Variants in MIDEAS observed in about 807,000 individuals in gnomAD.
MIDEAS encodes the protein mitotic deacetylase-associated SANT domain protein.
MIDEAS carries 26 observed loss-of-function variants against 102.7 expected under a neutral mutation model. That is an observed-to-expected ratio of 0.25 (90% confidence interval 0.19 to 0.35). The LOEUF is 0.35. Ranked by LOEUF, MIDEAS falls within the 10% of genes least tolerant of loss-of-function variation. MIDEAS has a pLI of 1.00. For missense variants in MIDEAS, 1,231 were observed against 1,435.6 expected (o/e 0.86, Z 2.30); for synonymous variants, 585 against 591.0 (o/e 0.99, Z 0.15).
intron 11 of MIDEAS, among the ~76,000 whole-genome samples, chr14:73,720,622 C>T (rs2052976809): frequency 6.6e-6 from 1 of 152,176 alleles, no homozygotes; most frequent in Admixed American, 6.5e-5. Flanking sequence ...CTCCTTACCC[C>T]TTTCTGGGAG....
At chr14:73,782,709 T>G (rs2053768048) in intron 1 of MIDEAS, among the ~76,000 whole-genome samples, 1 of 152,138 alleles carries the variant, frequency 6.6e-6, no homozygotes, top group African/African-American at 2.4e-5. Context: ...CCAACCCAAG[T>G]AACAAACTAT....
In MIDEAS at chr14:73,742,665, T is replaced by G. The variant is rs908226814; in HGVS notation, c.-247-2410A>C. Among the ~76,000 whole-genome samples, 5 of 152,130 alleles carry G rather than the reference T, an allele frequency of 3.3e-5. No homozygotes were observed. Among genetic ancestry groups the G allele is most frequent in the Admixed American group, 2.0e-4 (3 of 15,274 alleles). On this transcript the variant is annotated intron_variant, in intron 1 of 12. Coordinates refer to ENST00000423556, the MANE Select transcript of MIDEAS (RefSeq NM_001367710.1). This position sits in a 1 kb window ranked among gnomAD's most constrained non-coding sequence, Gnocchi z 4.4. ...CTTTGAAGAAATCAGGGGGCCTGGT[T>G]TGGGGAAGGCTGAATCACCCCAGAA...
rs1321143943 is a variant in MIDEAS, at chr14:73,717,988, T to A, written c.*855A>T. 6.6e-6 allele frequency: 1 copy of A among 152,222 alleles called. No individual in the cohort carries two copies. The allele number at this position is 152,222 out of a possible 1,614,324, so 9.4% of individuals were successfully genotyped here. ...GGGACCTGCTCAAGGCGAAGCGCCCTTGGCAGCCTCCAGGACCCAAAGGTA... is the reference window on the plus strand; with the variant it reads ...GGGACCTGCTCAAGGCGAAGCGCCCATGGCAGCCTCCAGGACCCAAAGGTA... On this transcript the variant is annotated 3_prime_UTR_variant, in exon 13 of 13. Coordinates refer to ENST00000423556, the MANE Select transcript of MIDEAS (RefSeq NM_001367710.1).
At chr14:73,758,750 G>A (rs1335116564) in intron 1 of MIDEAS, 1 of 154,552 alleles carries the variant, frequency 6.5e-6, no homozygotes, top group African/African-American at 2.4e-5. Flanking sequence ...TCTCGCTGGA[G>A]GCTGGGCTGG....
chr14:73,730,867 A>G (rs1446490320), intron 3 of MIDEAS, among the ~76,000 whole-genome samples: 1 of 152,234 alleles, frequency 6.6e-6, no homozygotes, highest in Non-Finnish European at 1.5e-5. Flanking sequence ...CTGAGGCATG[A>G]GAATCACTTG....
rs928073237 is a variant in MIDEAS at position 73,777,145 on chromosome 14, T to A, written c.-248+9957A>T. 5.3e-5 allele frequency among the ~76,000 whole-genome samples: 8 copies of A among 151,836 alleles called. 1 individual carries two copies. Among genetic ancestry groups the A allele is most frequent in the Non-Finnish European group, 1.2e-4 (8 of 67,934 alleles). ...CATGACCTAAGCAGGGCCAACCACA[T>A]GCGCAGCCTAGCCTTTGCCTCTGGA... is the stretch of plus-strand genomic sequence containing the variant. On this transcript the variant is annotated intron_variant, in intron 1 of 11. Transcript: ENST00000394071.
exon 1 of MIDEAS, chr14:73,787,118 C>T (rs550955425): frequency 2.0e-5 from 3 of 149,836 alleles, no homozygotes; most frequent in South Asian, 2.1e-4. Flanking sequence ...GCTGGATCCC[C>T]GGGCTGCTCG....
In MIDEAS at chr14:73,779,570, A is replaced by ATAT. The variant is rs1161075287; in HGVS notation, c.-248+7531_-248+7532insATA. ...TTTTAATTTGTTTATTATTATTATT[A>ATAT]TTATTTTTTTTTTTTTTTGAGACGG... is the stretch of plus-strand genomic sequence containing the variant. On this transcript the variant is annotated intron_variant, in intron 1 of 11. Coordinates refer to the MIDEAS transcript ENST00000394071. 2.7e-3 allele frequency among the ~76,000 whole-genome samples: 162 copies of ATAT among 60,138 alleles called. 4 individuals carry two copies. The East Asian group carries it at 0.059, about 22-fold the overall frequency. The allele number at this position is 60,138 out of a possible 152,430, so 39.5% of individuals were successfully genotyped here.
rs1221222185 is a variant in MIDEAS at position 73,727,541 on chromosome 14, AG to A, written c.2096-18del. On this transcript the variant is annotated intron_variant, in intron 4 of 12. Transcript: ENST00000423556. ...CAGCACTGTCTATGGGACAAAGAGC[AG>A]GTTGATAAATAGCACCCCCCTTTCA... 8.2e-6 allele frequency: 13 copies of A among 1,592,738 alleles called. No individual in the cohort carries two copies. The highest frequency in any genetic ancestry group is 1.0e-5 in the Non-Finnish European group (12 of 1,168,706).
chr14:73,763,241 G>A (rs1223585683), upstream of MIDEAS, among the ~76,000 whole-genome samples: 1 of 152,228 alleles, frequency 6.6e-6, no homozygotes, highest in Non-Finnish European at 1.5e-5. Context: ...AAGAGGCTGA[G>A]GTAGGAGGAT....
Position 73,727,571 on chromosome 14 carries a change from A to G in MIDEAS, c.2096-47T>C, listed in dbSNP as rs764463547. 6 of 1,539,854 alleles carry G rather than the reference A, an allele frequency of 3.9e-6. No individual in the cohort carries two copies. The African/African-American group carries it at 5.5e-5, about 14-fold the overall frequency. On this transcript the variant is annotated intron_variant, in intron 4 of 12. Coordinates refer to ENST00000423556, the MANE Select transcript of MIDEAS (RefSeq NM_001367710.1). Reference sequence around the variant, plus strand: ...GATAAATAGCACCCCCCTTTCAGCAAAGCACCCCCAATCCTAGTGGCTGCC... The same window carrying G: ...GATAAATAGCACCCCCCTTTCAGCAGAGCACCCCCAATCCTAGTGGCTGCC...
At position 73,739,439 on chromosome 14, in the gene MIDEAS, C is replaced by A; in HGVS notation, c.570G>T (p.Glu190Asp). 1 of 1,591,104 alleles carries A rather than the reference C, an allele frequency of 6.3e-7. No individual in the cohort carries two copies. The highest frequency in any genetic ancestry group is 1.2e-5 in the South Asian group (1 of 86,594). ...TCAGGGGTGCCTGGGGCCGCCCTACCTCCAGCTGCACCTTCTGTGGCATCA... is the reference window on the plus strand; with the variant it reads ...TCAGGGGTGCCTGGGGCCGCCCTACATCCAGCTGCACCTTCTGTGGCATCA... ...RPMMPQKVQL[E>D]VGRPQAPLNS... The change falls in exon 2 of 13, where the codon GAG becomes GAT. Residue 190 changes from glutamate (E) to aspartate (D), a missense_variant. By Grantham distance (45) the Glu-to-Asp change is conservative. Around this residue, in one of 5 missense-constraint regions of MIDEAS, gnomAD observed 758 missense variants for 856.0 expected, o/e 0.89. Coordinates refer to ENST00000423556, the MANE Select transcript of MIDEAS (RefSeq NM_001367710.1).
At chr14:73,785,735 C>T (rs1436063132) in intron 1 of MIDEAS, among the ~76,000 whole-genome samples, 2 of 152,034 alleles carry the variant, frequency 1.3e-5, no homozygotes, top group African/African-American at 2.4e-5. Context: ...CCCACATTTT[C>T]TCCGGAGACA....
At position 73,727,476 on chromosome 14, in the gene MIDEAS, G is replaced by A; in HGVS notation, c.2144C>T (p.Thr715Ile). ...PPVLSVMGEA[T>I]PVSIEPRINV... ...CACTTACGGCTCGATGCTCACTGGGGTGGCCTCCCCCATCACAGAGAGGAC... is the reference window on the plus strand; with the variant it reads ...CACTTACGGCTCGATGCTCACTGGGATGGCCTCCCCCATCACAGAGAGGAC... The change falls in exon 5 of 13, where the codon ACC becomes ATC. Residue 715 changes from threonine to isoleucine, a missense_variant. Thr to Ile is a moderately conservative substitution (Grantham distance 89). Transcript: ENST00000423556. 2 of 1,613,962 alleles carry A rather than the reference G, an allele frequency of 1.2e-6. No homozygotes were observed. The highest frequency in any genetic ancestry group is 1.7e-6 in the Non-Finnish European group (2 of 1,179,964).
rs749958498 is a variant in MIDEAS at position 73,718,885 on chromosome 14, C to CTGG, written c.3255_3257dup (p.His1085dup). ...CACCGCTCTCCTCCCGCAGGGCCTG[C>CTGG]TGGTGGGCGGCGGCGGCGGCAGCAG... On this transcript the variant is annotated inframe_insertion, in exon 13 of 13. Coordinates refer to ENST00000423556, the MANE Select transcript of MIDEAS (RefSeq NM_001367710.1). The CTGG allele has an allele frequency of 6.6e-7, 1 of 1,517,484 alleles. No individual in the cohort carries two copies. The highest frequency in any genetic ancestry group is 1.2e-5 in the South Asian group (1 of 81,680). The allele number at this position is 1,517,484 out of a possible 1,614,324, so 94.0% of individuals were successfully genotyped here.
chr14:73,753,725 G>GC (rs2053449538), intron 1 of MIDEAS, among the ~76,000 whole-genome samples: 1 of 152,178 alleles, frequency 6.6e-6, no homozygotes. Context: ...CAAAGTCCTA[G>GC]CAACAGTGTG....
intron 10 of MIDEAS, chr14:73,721,713 C>T (rs2052997486): frequency 1.8e-6 from 1 of 565,106 alleles, no homozygotes; most frequent in Non-Finnish European, 3.2e-6. Context: ...GCCCTGGGAG[C>T]ACCTGAGAGA....
Position 73,766,850 on chromosome 14 carries a change from C to CTTTTT in MIDEAS, c.-248+20251_-248+20252insAAAAA, listed in dbSNP as rs1310211553. ...TTACAGGCGTGTGCCACTGCCCGGC[C>CTTTTT]ATTTTTTTTTTTTTTTTTTTTTTGA... On this transcript the variant is annotated intron_variant, in intron 1 of 11. Coordinates refer to the MIDEAS transcript ENST00000394071. Among the ~76,000 whole-genome samples the CTTTTT allele has an allele frequency of 2.8e-4, 34 of 119,700 alleles. 1 individual carries two copies. Among genetic ancestry groups the CTTTTT allele is most frequent in the African/African-American group, 9.8e-4 (33 of 33,802 alleles). 78.5% of individuals were successfully genotyped at this position (119,700 alleles called of 152,430 possible). A position where few individuals can be genotyped will look rare whatever the true frequency, so the allele number is the denominator to read the frequency against.
chr14:73,721,615 C>A, intron 10 of MIDEAS, 106 bp from the exon 11 acceptor site: 2 of 1,007,512 alleles, frequency 2.0e-6, no homozygotes, highest in African/African-American at 1.6e-5. Flanking sequence ...TAGTCCTGCT[C>A]GCCTGGCTGG....
Sources: allele counts gnomAD v4.1 joint callset (sites outside exome capture counted in the v4.1 genomes callset), GRCh38; gene constraint gnomAD v4.1.1; regional missense constraint gnomAD v4.1.1; non-coding constraint Gnocchi (gnomAD v3.1); transcripts MANE v1.5; gene names NCBI Gene and HGNC (gene_info 2026-07-23, HGNC 2026-07-21).